Variants in CDC20B observed in about 807,000 individuals in gnomAD.
The protein encoded by CDC20B is cell division cycle 20B.
A neutral mutation model predicts 64.1 loss-of-function variants in CDC20B; 58 were observed. The ratio of observed to expected loss-of-function variants is 0.90; its 90% CI spans 0.73 to 1.13. The LOEUF (loss-of-function observed/expected upper bound fraction) is 1.13, where lower values mean the gene tolerates loss of function less well. CDC20B is among the 50% of genes most tolerant of loss of function. CDC20B has a pLI of 0.00. For synonymous variants in CDC20B, 243 were observed against 230.6 expected (o/e 1.05, Z -0.49); for missense variants, 597 against 633.0 (o/e 0.94, Z 0.61).
intron 10 of CDC20B, 51 bp from the exon 11 acceptor site, chr5:55,119,969 G>A (rs1341289137): frequency 1.5e-6 from 2 of 1,337,902 alleles, no homozygotes; most frequent in Admixed American, 1.7e-5. Context: ...GATTCCTTAT[G>A]AATATAGTTA....
chr5:55,144,433 GA>G (rs1743417383), intron 3 of CDC20B, among the ~76,000 whole-genome samples: 1 of 152,110 alleles, frequency 6.6e-6, no homozygotes, highest in Non-Finnish European at 1.5e-5. Flanking sequence ...GGGACCATTG[GA>G]AAATCTTAGC....
chr5:55,143,676 T>C (rs370579774), intron 3 of CDC20B, 33 bp from the exon 4 acceptor site: 2 of 1,555,002 alleles, frequency 1.3e-6, no homozygotes, highest in Non-Finnish European at 1.7e-6. Context: ...TGAATTTGGT[T>C]TTTAAAACAA....
Position 55,146,862 on chromosome 5 carries a change from T to A in CDC20B, c.127-6A>T. The stretch of plus-strand genomic sequence containing the variant: ...GCATTAACTGAATCGAGTACCTGTT[T>A]AACAACAAAAACAGCTGTAAGTCCA... On this transcript the variant is annotated splice_region_variant and splice_polypyrimidine_tract_variant and intron_variant, in intron 2 of 11. Coordinates refer to ENST00000381375, the MANE Select transcript of CDC20B (RefSeq NM_001170402.1). 6.2e-7 allele frequency: 1 copy of A among 1,611,914 alleles called. No homozygotes were observed.
chr5:55,164,704 GA>G (rs1744288319), intron 2 of CDC20B: 1 of 152,150 alleles, frequency 6.6e-6, no homozygotes, highest in African/African-American at 2.4e-5. Flanking sequence ...TATGTTAATG[GA>G]ATAAAACACA....
rs1744582667 is a variant in CDC20B, at chr5:55,171,106, A to G, written c.126+1482T>C. 2.0e-5 allele frequency among the ~76,000 whole-genome samples: 3 copies of G among 152,294 alleles called. No homozygotes were observed. The South Asian group carries it at 6.2e-4, about 32-fold the overall frequency. On this transcript the variant is annotated intron_variant, in intron 2 of 11. Transcript: ENST00000381375. Reference sequence around the variant, plus strand: ...AGGTTGGCTGATCCCCTAAGGTCACAAGTTCAAGACCAGCCTGGCCAACAT... The same window carrying G: ...AGGTTGGCTGATCCCCTAAGGTCACGAGTTCAAGACCAGCCTGGCCAACAT...
At chr5:55,127,191 G>A in intron 8 of CDC20B, 66 bp downstream of exon 8, 1 of 1,370,634 alleles carries the variant, frequency 7.3e-7, no homozygotes, top group East Asian at 2.3e-5. Flanking sequence ...TATTACAACT[G>A]TTTACTCAGG....
rs959538554 is a variant in CDC20B, at chr5:55,120,546, A to C, written c.1220T>G (p.Met407Arg). ...VITQSTAVKA[M>R]DWCPWQSGVL... ...CCCAGACTGCCAGGGACACCAATCC[A>C]TGGCCTTTAAAGTTTCACATAATAG... is the stretch of plus-strand genomic sequence containing the variant. The change falls in exon 10 of 12, where the codon ATG becomes AGG. Residue 407 changes from methionine to arginine, a missense_variant. Coordinates refer to ENST00000381375, the MANE Select transcript of CDC20B (RefSeq NM_001170402.1). The C allele has an allele frequency of 1.2e-5, 19 of 1,613,228 alleles. No individual in the cohort carries two copies. In the African/African-American group the frequency reaches 2.3e-4, roughly 19 times the overall value.
chr5:55,123,628 ACTCT>A (rs1052254039), intron 9 of CDC20B, among the ~76,000 whole-genome samples: 1 of 151,770 alleles, frequency 6.6e-6, no homozygotes, highest in African/African-American at 2.4e-5. Flanking sequence ...GTTTCCGGAG[ACTCT>A]CTCTTAGTGA....
At chr5:55,160,202 C>T in intron 2 of CDC20B, 1 of 1,613,850 alleles carries the variant, frequency 6.2e-7, no homozygotes, top group South Asian at 1.1e-5. Flanking sequence ...CATGGAGCCT[C>T]TTGCAGCTTA....
chr5:55,160,512 A>T (rs1213770031), intron 2 of CDC20B: 1 of 712,994 alleles, frequency 1.4e-6, no homozygotes, highest in African/African-American at 1.8e-5. Context: ...TAGTCTTCAG[A>T]GTAATGGTAT....
intron 10 of CDC20B, 81 bp downstream of exon 10, chr5:55,120,344 G>T: frequency 6.6e-7 from 1 of 1,505,908 alleles, no homozygotes; most frequent in South Asian, 1.2e-5. Flanking sequence ...GAGCTTGTTG[G>T]GGGCATAGGC....
intron 1 of CDC20B, 81 bp downstream of exon 1, chr5:55,172,857 G>C: frequency 7.5e-7 from 1 of 1,342,244 alleles, no homozygotes; most frequent in Non-Finnish European, 1.0e-6. Context: ...ACCACCTCTT[G>C]GTCCTAAACA....
rs555410863 is a variant in CDC20B at position 55,113,450 on chromosome 5, G to A, written c.*768C>T. On this transcript the variant is annotated 3_prime_UTR_variant, in exon 12 of 12. Transcript: ENST00000381375. The stretch of plus-strand genomic sequence containing the variant: ...TGTCCTTGAGAGTTGATGAGCAGGG[G>A]ACTGAGAGGATCAGCACAGGACTTT... 1 of 152,526 alleles carries A rather than the reference G, an allele frequency of 6.6e-6. No individual in the cohort carries two copies. The highest frequency in any genetic ancestry group is 2.4e-5 in the African/African-American group (1 of 41,466). The allele number at this position is 152,526 out of a possible 1,614,324, so 9.4% of individuals were successfully genotyped here.
intron 6 of CDC20B, among the ~76,000 whole-genome samples, chr5:55,130,903 T>C (rs1743012292): frequency 6.6e-6 from 1 of 152,186 alleles, no homozygotes; most frequent in Admixed American, 6.5e-5. Flanking sequence ...GGAGGATCAC[T>C]TGAGCCCAAA....
intron 11 of CDC20B, among the ~76,000 whole-genome samples, chr5:55,115,979 A>G (rs1402429977): frequency 6.6e-6 from 1 of 152,140 alleles, no homozygotes; most frequent in Non-Finnish European, 1.5e-5. Flanking sequence ...GGGACATAAA[A>G]AAGTTTACAT....
intron 11 of CDC20B, among the ~76,000 whole-genome samples, chr5:55,117,891 G>A (rs1742661051): frequency 6.6e-6 from 1 of 152,108 alleles, no homozygotes; most frequent in Non-Finnish European, 1.5e-5. Context: ...GAGGTGGGTG[G>A]ATCACCTAAG....
intron 2 of CDC20B, among the ~76,000 whole-genome samples, chr5:55,147,680 C>G (rs1476564287): frequency 4.0e-5 from 6 of 151,738 alleles, no homozygotes; most frequent in Non-Finnish European, 8.8e-5. Flanking sequence ...TTACTTAGAG[C>G]CTCTGCTCAA....
At position 55,127,244 on chromosome 5, in the gene CDC20B, A is replaced by T. The variant is rs907875062; in HGVS notation, c.989+13T>A. 3.1e-6 allele frequency: 5 copies of T among 1,607,224 alleles called. No homozygotes were observed. The highest frequency in any genetic ancestry group is 3.4e-6 in the Non-Finnish European group (4 of 1,173,886). ...AATACAAACATAACTGTCTCCAACAAGACGCTTCTTACCTGCTGAGGATAA... is the reference window on the plus strand; with the variant it reads ...AATACAAACATAACTGTCTCCAACATGACGCTTCTTACCTGCTGAGGATAA... On this transcript the variant is annotated intron_variant, in intron 8 of 11. Coordinates refer to ENST00000381375, the MANE Select transcript of CDC20B (RefSeq NM_001170402.1).
chr5:55,137,787 T>A (rs911371136), intron 5 of CDC20B, among the ~76,000 whole-genome samples: 4 of 152,080 alleles, frequency 2.6e-5, no homozygotes, highest in African/African-American at 7.2e-5. Context: ...TGGGAGTGAA[T>A]ATAGCAGTGG....
Sources: gnomAD v4.1 joint callset for allele counts (sites outside exome capture counted in the v4.1 genomes callset) on GRCh38, gnomAD v4.1.1 for gene constraint, MANE v1.5 for transcripts, NCBI Gene and HGNC (gene_info 2026-07-23, HGNC 2026-07-21) for gene names.